ZNF493: variants seen among roughly 807,000 people sequenced by gnomAD.
ZNF493 encodes the protein zinc finger protein 493.
In ZNF493, 11 loss-of-function variants were observed where a neutral mutation model predicts 12.2. The observed-to-expected ratio is 0.90, with a 90% CI of 0.57 to 1.50. ZNF493 has a LOEUF of 1.50. ZNF493 is among the 40% of genes most tolerant of loss of function. The pLI, the probability that ZNF493 is intolerant of heterozygous loss-of-function variation, is 0.00. For synonymous variants in ZNF493, 286 were observed against 302.6 expected (o/e 0.95, Z 0.57); for missense variants, 950 against 906.6 (o/e 1.05, Z -0.61).
chr19:21,401,666 C>T (rs576701598), intron 1 of ZNF493, among the ~76,000 whole-genome samples: 44 of 151,872 alleles, frequency 2.9e-4, no homozygotes, highest in African/African-American at 7.5e-4. Context: ...CACTCTGTCG[C>T]CCAGGCTGGA....
At position 21,424,804 on chromosome 19, in the gene ZNF493, T is replaced by G; in HGVS notation, c.2145T>G (p.Cys715Trp). The change falls in exon 4 of 4, where the codon TGT becomes TGG. Residue 715 changes from cysteine to tryptophan, a missense_variant. Coordinates refer to ENST00000392288, the MANE Select transcript of ZNF493 (RefSeq NM_001076678.3). ...ATACTGGAGAGAAACCTTGCAAATG[T>G]GAAGAATGTGGCAAAGCTTTTAACC... ...IIHTGEKPCK[C>W]EECGKAFNHS... 6.2e-7 allele frequency: 1 copy of G among 1,613,624 alleles called. No individual in the cohort carries two copies. The highest frequency in any genetic ancestry group is 8.5e-7 in the Non-Finnish European group (1 of 1,179,734).
At chr19:21,413,822 G>A in intron 3 of ZNF493, 1 of 201,436 alleles carries the variant, frequency 5.0e-6, no homozygotes. Context: ...CTGTTCAGCT[G>A]CTGATAACAT....
At chr19:21,405,081 C>T (rs528988968) in intron 1 of ZNF493, 48 bp from the exon 2 acceptor site, 19 of 1,542,238 alleles carry the variant, frequency 1.2e-5, no homozygotes, top group Middle Eastern at 1.7e-4. Context: ...ATTTTGCCCA[C>T]GTGTAAATGT....
intron 3 of ZNF493, among the ~76,000 whole-genome samples, chr19:21,415,435 C>T (rs1435654273): frequency 1.3e-5 from 2 of 152,142 alleles, no homozygotes; most frequent in African/African-American, 4.8e-5. Flanking sequence ...TTGATCCCTA[C>T]ATATTGTTCC....
intron 2 of ZNF493, 66 bp downstream of exon 2, chr19:21,405,321 A>T (rs948162950): frequency 1.9e-6 from 3 of 1,555,018 alleles, no homozygotes; most frequent in Non-Finnish European, 2.6e-6. Context: ...GTTTTCATAG[A>T]ATAATTTTTG....
chr19:21,414,915 G>A (rs1238588349), intron 3 of ZNF493, among the ~76,000 whole-genome samples: 9 of 152,042 alleles, frequency 5.9e-5, no homozygotes, highest in African/African-American at 7.2e-5. Flanking sequence ...AATGATTATC[G>A]AGAATGCCCA....
intron 3 of ZNF493, among the ~76,000 whole-genome samples, chr19:21,407,173 C>T (rs970295768): frequency 6.6e-6 from 1 of 152,058 alleles, no homozygotes; most frequent in South Asian, 2.1e-4. Flanking sequence ...TATGGTGAAA[C>T]CCCGTCTCTA....
intron 1 of ZNF493, among the ~76,000 whole-genome samples, chr19:21,399,809 T>G (rs957137943): frequency 3.3e-5 from 5 of 152,310 alleles, no homozygotes; most frequent in South Asian, 2.1e-4. Context: ...CCATTTCATT[T>G]TTGCTGTAGA....
intron 1 of ZNF493, among the ~76,000 whole-genome samples, chr19:21,401,624 AT>A (rs1353767610): frequency 5.3e-5 from 8 of 151,060 alleles, no homozygotes; most frequent in East Asian, 1.9e-4. Flanking sequence ...TTATTTATTT[AT>A]TTTATTTTAT....
chr19:21,425,104 A>G lies in ZNF493; in HGVS notation c.*120A>G. ...ATTAATGCTGGAGAGAAACCCTACA[A>G]ATGTGAAGAATGTGGCAAAGATTTC... On this transcript the variant is annotated 3_prime_UTR_variant, in exon 4 of 4. Transcript: ENST00000392288. 8.5e-7 allele frequency: 1 copy of G among 1,172,302 alleles called. No individual in the cohort carries two copies. Among genetic ancestry groups the G allele is most frequent in the South Asian group, 1.3e-5 (1 of 78,942 alleles). The allele number at this position is 1,172,302 out of a possible 1,614,324, so 72.6% of individuals were successfully genotyped here. A position where few individuals can be genotyped will look rare whatever the true frequency, so the allele number is the denominator to read the frequency against.
At chr19:21,417,768 A>G (rs1019669172) in intron 3 of ZNF493, among the ~76,000 whole-genome samples, 1 of 152,138 alleles carries the variant, frequency 6.6e-6, no homozygotes, top group Non-Finnish European at 1.5e-5. Flanking sequence ...AGCAGCCTGA[A>G]TGGAAGCTTC....
rs1328991403 is a variant in ZNF493 at position 21,425,839 on chromosome 19, GGA to G, written c.*860_*861del. 3.6e-6 allele frequency: 2 copies of G among 559,922 alleles called. No homozygotes were observed. The highest frequency in any genetic ancestry group is 7.0e-6 in the Non-Finnish European group (2 of 286,344). 34.7% of individuals were successfully genotyped at this position (559,922 alleles called of 1,614,324 possible). Reference sequence around the variant, plus strand: ...ACTCCTAGTAAACATAATTAATGATGGAGAGAAACCATACAACTGTGAAGAAT... The same window carrying G: ...ACTCCTAGTAAACATAATTAATGATGGAGAAACCATACAACTGTGAAGAAT... On this transcript the variant is annotated 3_prime_UTR_variant, in exon 4 of 4. Transcript: ENST00000392288.
intron 3 of ZNF493, among the ~76,000 whole-genome samples, chr19:21,422,625 A>T (rs996996458): frequency 6.6e-6 from 1 of 151,856 alleles, no homozygotes; most frequent in African/African-American, 2.4e-5. Flanking sequence ...ATTATGTTAT[A>T]TTGGGAAGCA....
chr19:21,398,691 T>G (rs891495648), intron 1 of ZNF493: 5 of 327,616 alleles, frequency 1.5e-5, no homozygotes, highest in Non-Finnish European at 3.0e-5. Flanking sequence ...CGGTGTACTC[T>G]TATTTTGAAA....
At position 21,405,052 on chromosome 19, in the gene ZNF493, A is replaced by T. The variant is rs1217621310; in HGVS notation, c.31-77A>T. On this transcript the variant is annotated intron_variant, in intron 1 of 3. Coordinates refer to ENST00000392288, the MANE Select transcript of ZNF493 (RefSeq NM_001076678.3). ...CGAATTTTCTTTACTTTCTCATTTG[A>T]CCTTAATTCAAATGATAAATTTTGC... 9.8e-6 allele frequency: 15 copies of T among 1,537,822 alleles called. No individual in the cohort carries two copies. In the South Asian group the frequency reaches 1.9e-4, roughly 19 times the overall value.
At chr19:21,404,338 C>A (rs563740432) in intron 1 of ZNF493, among the ~76,000 whole-genome samples, 4 of 152,336 alleles carry the variant, frequency 2.6e-5, no homozygotes, top group African/African-American at 9.6e-5. Context: ...CTGTGTGCAT[C>A]AGCACATCAT....
chr19:21,408,987 T>A (rs2030233843), intron 3 of ZNF493, among the ~76,000 whole-genome samples: 1 of 151,370 alleles, frequency 6.6e-6, no homozygotes. Context: ...CGGGTTCACG[T>A]CATTCTCCTG....
chr19:21,425,806 A>G lies in ZNF493; in HGVS notation c.*822A>G. The G allele has an allele frequency of 3.6e-6, 2 of 561,544 alleles. No individual in the cohort carries two copies. The highest frequency in any genetic ancestry group is 2.0e-5 in the Admixed American group (1 of 49,988). 34.8% of individuals were successfully genotyped at this position (561,544 alleles called of 1,614,324 possible). ...GAAGAATGTGGCAAAGCCTTTATCC[A>G]GTCCTCAACTCCTAGTAAACATAAT... On this transcript the variant is annotated 3_prime_UTR_variant, in exon 4 of 4. Transcript: ENST00000392288.
chr19:21,407,592 T>TA (rs1197547715), intron 3 of ZNF493: 1 of 977,650 alleles, frequency 1.0e-6, no homozygotes, highest in Non-Finnish European at 1.2e-6. Flanking sequence ...CCCAGCCTAA[T>TA]AAAAATTTTT....
Sources: gnomAD v4.1 joint callset for allele counts (sites outside exome capture counted in the v4.1 genomes callset) on GRCh38, gnomAD v4.1.1 for gene constraint, MANE v1.5 for transcripts, NCBI Gene and HGNC (gene_info 2026-07-23, HGNC 2026-07-21) for gene names.